PLEKHA7: variants seen among roughly 807,000 people sequenced by gnomAD.
The protein encoded by PLEKHA7 is pleckstrin homology domain-containing family A member 7.
In PLEKHA7, 104 loss-of-function variants were observed where a neutral mutation model predicts 170.0. The observed-to-expected ratio is 0.61, with a 90% CI of 0.52 to 0.72. The LOEUF is 0.72. Among genes scored for constraint, PLEKHA7 ranks in the 30% least tolerant of loss-of-function variants. The probability of loss-of-function intolerance (pLI) is 0.00; values close to 1 mark genes in which losing one functional copy is unlikely to be tolerated. For missense variants in PLEKHA7, 1,615 were observed against 1,671.7 expected, an observed-to-expected ratio of 0.97 and a Z score of 0.59; for synonymous variants, 648 against 660.8, an observed-to-expected ratio of 0.98 and a Z score of 0.30.
intron 3 of PLEKHA7, among the ~76,000 whole-genome samples, chr11:16,983,529 A>G (rs1212988814): frequency 6.6e-6 from 1 of 152,138 alleles, no homozygotes; most frequent in Non-Finnish European, 1.5e-5. Context: ...ACAACCAGAT[A>G]GGAAAAGCAG....
intron 3 of PLEKHA7, among the ~76,000 whole-genome samples, chr11:16,950,627 T>C (rs1219589821): frequency 2.0e-5 from 3 of 152,168 alleles, no homozygotes; most frequent in African/African-American, 7.2e-5. Flanking sequence ...CTGCTCGCCA[T>C]TGTGGCCCCA....
chr11:16,865,274 T>G (rs1854291207), intron 4 of PLEKHA7, among the ~76,000 whole-genome samples: 1 of 152,246 alleles, frequency 6.6e-6, no homozygotes, highest in Admixed American at 6.5e-5. Context: ...CAGCCTGAGC[T>G]TGTATTAGCT....
chr11:17,007,032 C>T (rs986985844), intron 3 of PLEKHA7, among the ~76,000 whole-genome samples: 15 of 152,230 alleles, frequency 9.9e-5, no homozygotes, highest in Non-Finnish European at 1.9e-4. Flanking sequence ...CTGGTCCCCA[C>T]TCCCTGCCTC....
chr11:16,986,113 A>C (rs1195062329), intron 3 of PLEKHA7, among the ~76,000 whole-genome samples: 1 of 152,218 alleles, frequency 6.6e-6, no homozygotes, highest in Non-Finnish European at 1.5e-5. Context: ...GAGTGTGTTC[A>C]GGCCAGAGGG....
At chr11:16,843,676 A>T (rs1459448413) in intron 8 of PLEKHA7, among the ~76,000 whole-genome samples, 1 of 152,240 alleles carries the variant, frequency 6.6e-6, no homozygotes, top group African/African-American at 2.4e-5. Flanking sequence ...ACAGGGGCTC[A>T]CACCTGTAAT....
At chr11:16,806,321 C>T (rs575713243) in intron 13 of PLEKHA7, among the ~76,000 whole-genome samples, 2 of 152,312 alleles carry the variant, frequency 1.3e-5, no homozygotes, top group South Asian at 2.1e-4. Context: ...CCACGTGTAG[C>T]GTATTACATC....
intron 3 of PLEKHA7, among the ~76,000 whole-genome samples, chr11:16,906,012 G>C (rs1012791808): frequency 1.3e-5 from 2 of 152,078 alleles, no homozygotes; most frequent in African/African-American, 2.4e-5. Context: ...TCAGGCTCTC[G>C]GCACTGCTGA....
chr11:16,939,132 C>A (rs1425389074), intron 3 of PLEKHA7, among the ~76,000 whole-genome samples: 1 of 152,184 alleles, frequency 6.6e-6, no homozygotes, highest in East Asian at 1.9e-4. Context: ...ATACTATAAG[C>A]TGGACACAGT....
chr11:16,957,697 C>T (rs200669597), intron 3 of PLEKHA7, among the ~76,000 whole-genome samples: 29,568 of 89,434 alleles, frequency 0.33, 5,067 homozygotes, highest in Non-Finnish European at 0.39. Flanking sequence ...TAATTTTTTT[C>T]TTTTTTTTTT....
intron 3 of PLEKHA7, among the ~76,000 whole-genome samples, chr11:16,961,945 G>T (rs1862088235): frequency 6.6e-6 from 1 of 152,154 alleles, no homozygotes; most frequent in South Asian, 2.1e-4. Context: ...CATAGTAAGT[G>T]CATGACGAAT....
chr11:16,811,303 T>C (rs1206229799), intron 13 of PLEKHA7, among the ~76,000 whole-genome samples: 2 of 152,236 alleles, frequency 1.3e-5, no homozygotes, highest in Non-Finnish European at 2.9e-5. Context: ...CTGTGTTTTA[T>C]ACTCACCTGT....
chr11:16,940,713 CCTT>C lies in PLEKHA7; in HGVS notation c.222-69534_222-69532del, dbSNP rs546471080. ...AAGTGTTCAAAAATGAAGATAATTA[CCTT>C]TTTTTGTTTGTTTTTTTAAAGGACA... is the stretch of plus-strand genomic sequence containing the variant. On this transcript the variant is annotated intron_variant, in intron 3 of 26. Transcript: ENST00000531066. Among the ~76,000 whole-genome samples the C allele has an allele frequency of 1.8e-4, 28 of 152,090 alleles. 1 individual carries two copies. The South Asian group carries it at 5.6e-3, about 30-fold the overall frequency.
intron 3 of PLEKHA7, among the ~76,000 whole-genome samples, chr11:16,972,947 G>T (rs777208215): frequency 2.6e-5 from 4 of 152,154 alleles, no homozygotes; most frequent in Non-Finnish European, 4.4e-5. Context: ...AAATCCATTG[G>T]CCTAGATGGT....
Position 16,889,420 on chromosome 11 carries a change from A to AATATAT in PLEKHA7, c.222-18244_222-18239dup, listed in dbSNP as rs1554964151. On this transcript the variant is annotated intron_variant, in intron 3 of 26. Coordinates refer to ENST00000531066, the MANE Select transcript of PLEKHA7 (RefSeq NM_001329630.2). ...TTGCTCAAAAAAAAAAAAAAAAAAA[A>AATATAT]ATATATATATATATATATATATATA... 1.4e-3 allele frequency among the ~76,000 whole-genome samples: 108 copies of AATATAT among 74,534 alleles called. 1 individual carries two copies. The highest frequency in any genetic ancestry group is 1.7e-3 in the Non-Finnish European group (71 of 42,154). 48.9% of individuals were successfully genotyped at this position (74,534 alleles called of 152,430 possible). A position where few individuals can be genotyped will look rare whatever the true frequency, so the allele number is the denominator to read the frequency against.
chr11:16,813,962 G>A (rs1849560495), intron 12 of PLEKHA7, among the ~76,000 whole-genome samples: 1 of 152,206 alleles, frequency 6.6e-6, no homozygotes. Context: ...AGCTGTGAAA[G>A]AAAAATAATC....
intron 17 of PLEKHA7, among the ~76,000 whole-genome samples, chr11:16,798,107 A>G (rs1443770898): frequency 6.6e-6 from 1 of 152,206 alleles, no homozygotes; most frequent in Non-Finnish European, 1.5e-5. Flanking sequence ...TGAAAAGGCT[A>G]TTTTCCTGCA....
At chr11:16,870,316 A>G (rs1307978028) in intron 4 of PLEKHA7, among the ~76,000 whole-genome samples, 1 of 151,834 alleles carries the variant, frequency 6.6e-6, no homozygotes, top group Non-Finnish European at 1.5e-5. Context: ...CACACACTAC[A>G]CACACACATT....
intron 3 of PLEKHA7, among the ~76,000 whole-genome samples, chr11:16,875,181 C>G (rs1264930931): frequency 6.6e-6 from 1 of 152,196 alleles, no homozygotes; most frequent in Admixed American, 6.5e-5. Flanking sequence ...CCACCACCAA[C>G]TACTGCAATT....
At chr11:16,779,148 C>T (rs1048571779) in intron 26 of PLEKHA7, 128 bp from the exon 27 acceptor site, 33 of 682,922 alleles carry the variant, frequency 4.8e-5, no homozygotes, top group Non-Finnish European at 8.1e-5. Flanking sequence ...GCAATGCGGC[C>T]GCTGCTGGGG....
Sources: allele counts gnomAD v4.1 joint callset (sites outside exome capture counted in the v4.1 genomes callset), GRCh38; gene constraint gnomAD v4.1.1; transcripts MANE v1.5; gene names NCBI Gene and HGNC (gene_info 2026-07-23, HGNC 2026-07-21).